EYA2: variants seen among roughly 807,000 people sequenced by gnomAD.
EYA2 encodes the protein EYA transcriptional coactivator and phosphatase 2.
EYA2 carries 31 observed loss-of-function variants against 69.2 expected under a neutral mutation model. The ratio of observed to expected loss-of-function variants is 0.45; its 90% CI spans 0.34 to 0.60. The LOEUF (loss-of-function observed/expected upper bound fraction) is 0.60, where lower values mean the gene tolerates loss of function less well. EYA2 is among the 20% of genes least tolerant of loss of function. EYA2 has a pLI of 0.02. For missense variants in EYA2, 622 were observed against 701.2 expected (o/e 0.89, Z 1.28); for synonymous variants, 257 against 279.4 (o/e 0.92, Z 0.80).
rs150269431 is a variant in EYA2, at chr20:47,025,458, A to G, written c.415+9161A>G. ...CACTTCGTTTTCCTCATTTAGCTAT[A>G]TACCTTGGAAAGAACTTGCTAAGTC... On this transcript the variant is annotated intron_variant, in intron 5 of 15. Transcript: ENST00000327619. 2.2e-3 allele frequency among the ~76,000 whole-genome samples: 331 copies of G among 152,324 alleles called. 1 individual carries two copies. Among genetic ancestry groups the G allele is most frequent in the African/African-American group, 7.7e-3 (321 of 41,564 alleles).
At chr20:47,111,002 C>T (rs1272733607) in intron 9 of EYA2, among the ~76,000 whole-genome samples, 1 of 152,260 alleles carries the variant, frequency 6.6e-6, no homozygotes, top group Non-Finnish European at 1.5e-5. Flanking sequence ...CTTTGTTCTA[C>T]TGTCCTTCAT....
chr20:47,185,276 CTTTTTTTTTTTTTTTTTTTTTT>C (rs765083065), intron 15 of EYA2, among the ~76,000 whole-genome samples: 20 of 55,932 alleles, frequency 3.6e-4, no homozygotes, highest in East Asian at 3.3e-3. Flanking sequence ...GAATCACACT[CTTTTTTTTTTTTTTTTTTTTTT>C]TTTTTTTTTT....
chr20:47,126,058 C>T (rs1352033937), intron 9 of EYA2, among the ~76,000 whole-genome samples: 2 of 152,138 alleles, frequency 1.3e-5, no homozygotes, highest in African/African-American at 2.4e-5. Flanking sequence ...GGCAGGTCTG[C>T]AGACGGGCAG....
chr20:46,974,895 G>T (rs1190637092), intron 1 of EYA2, among the ~76,000 whole-genome samples: 1 of 152,142 alleles, frequency 6.6e-6, no homozygotes, highest in Non-Finnish European at 1.5e-5. Flanking sequence ...CCTTTTTGAA[G>T]GTTGCCTTTT....
chr20:47,134,942 G>T (rs1376796989), intron 9 of EYA2, among the ~76,000 whole-genome samples: 1 of 151,740 alleles, frequency 6.6e-6, no homozygotes. Flanking sequence ...CCTGGCTAAC[G>T]TGGTGAAACC....
intron 7 of EYA2, among the ~76,000 whole-genome samples, chr20:47,079,371 C>A (rs1290690387): frequency 6.6e-6 from 1 of 152,166 alleles, no homozygotes; most frequent in African/African-American, 2.4e-5. Context: ...ATTGGAGGCT[C>A]CAGAGGAGAA....
chr20:46,956,547 A>T (rs1426112500), intron 1 of EYA2, among the ~76,000 whole-genome samples: 1 of 152,144 alleles, frequency 6.6e-6, no homozygotes, highest in Non-Finnish European at 1.5e-5. Flanking sequence ...GGTAGATGAG[A>T]AAAGAGAGGG....
chr20:47,076,546 G>A (rs917950855), intron 7 of EYA2, among the ~76,000 whole-genome samples: 22 of 151,984 alleles, frequency 1.4e-4, no homozygotes, highest in African/African-American at 5.1e-4. Context: ...TTTTTTAATC[G>A]GGTTATCTTT....
intron 5 of EYA2, among the ~76,000 whole-genome samples, chr20:47,038,701 C>T (rs1339053467): frequency 6.6e-6 from 1 of 152,122 alleles, no homozygotes; most frequent in African/African-American, 2.4e-5. Context: ...CTTTGTGCAA[C>T]AGATTTCTGG....
intron 2 of EYA2, among the ~76,000 whole-genome samples, chr20:46,996,529 T>C (rs1034935077): frequency 6.6e-6 from 1 of 152,160 alleles, no homozygotes; most frequent in African/African-American, 2.4e-5. Context: ...GGTGCACTGG[T>C]CTCAAATGTC....
intron 10 of EYA2, among the ~76,000 whole-genome samples, chr20:47,151,027 C>T (rs1266972167): frequency 2.0e-5 from 3 of 152,030 alleles, no homozygotes; most frequent in Non-Finnish European, 4.4e-5. Context: ...CGGTTTTCAT[C>T]ACAGTAGCCA....
At chr20:46,921,087 C>G (rs1182981633) in intron 1 of EYA2, among the ~76,000 whole-genome samples, 1 of 152,222 alleles carries the variant, frequency 6.6e-6, no homozygotes, top group African/African-American at 2.4e-5. Context: ...GATGCCATTT[C>G]TCTAACCCTG....
intron 1 of EYA2, among the ~76,000 whole-genome samples, chr20:46,980,885 TTAACA>T (rs1344819338): frequency 6.6e-6 from 1 of 152,224 alleles, no homozygotes; most frequent in Non-Finnish European, 1.5e-5. Context: ...CTTGTTTCAC[TTAACA>T]TAACGACCTC....
chr20:46,915,242 C>G (rs553325487), intron 1 of EYA2, among the ~76,000 whole-genome samples: 1 of 152,218 alleles, frequency 6.6e-6, no homozygotes, highest in Non-Finnish European at 1.5e-5. Flanking sequence ...AAATTCCTGA[C>G]TTGGTGTGTT....
intron 5 of EYA2, among the ~76,000 whole-genome samples, chr20:47,059,022 A>T (rs1409731570): frequency 1.3e-5 from 2 of 152,226 alleles, no homozygotes; most frequent in East Asian, 3.8e-4. Flanking sequence ...ACAAGAGAAT[A>T]TGCAACAGGC....
At chr20:47,099,734 TC>T (rs917095359) in intron 9 of EYA2, among the ~76,000 whole-genome samples, 3 of 152,188 alleles carry the variant, frequency 2.0e-5, no homozygotes, top group Admixed American at 2.0e-4. Flanking sequence ...AAACGTAGCT[TC>T]CTCCAAAAGG....
intron 4 of EYA2, among the ~76,000 whole-genome samples, chr20:47,012,675 G>A (rs963322121): frequency 6.6e-6 from 1 of 152,052 alleles, no homozygotes; most frequent in Non-Finnish European, 1.5e-5. Flanking sequence ...TGTATTTTTT[G>A]TAGAGACAGG....
intron 5 of EYA2, among the ~76,000 whole-genome samples, chr20:47,056,389 G>T (rs926837624): frequency 6.6e-6 from 1 of 151,910 alleles, no homozygotes; most frequent in African/African-American, 2.4e-5. Context: ...ACCTTCCCTG[G>T]ATGTTTTTAT....
chr20:47,135,841 A>AAAAAAAAAAAAAAAAAAAAAAAAG (rs2033457440), intron 9 of EYA2, among the ~76,000 whole-genome samples: 1 of 82,218 alleles, frequency 1.2e-5, no homozygotes. Context: ...AAAAAAAAAA[A>AAAAAAAAAAAAAAAAAAAAAAAAG]CAAACAAACA....
Sources: gnomAD v4.1 joint callset for allele counts (sites outside exome capture counted in the v4.1 genomes callset) on GRCh38, gnomAD v4.1.1 for gene constraint, MANE v1.5 for transcripts, NCBI Gene and HGNC (gene_info 2026-07-23, HGNC 2026-07-21) for gene names.